USP34: variants seen among roughly 807,000 people sequenced by gnomAD.
USP34 encodes ubiquitin specific peptidase 34.
In USP34, 70 loss-of-function variants were observed where a neutral mutation model predicts 460.3. The observed-to-expected ratio is 0.15, with a 90% CI of 0.13 to 0.19. The LOEUF is 0.19. USP34 is among the 10% of genes least tolerant of loss of function. The probability of loss-of-function intolerance (pLI) is 1.00; values close to 1 mark genes in which losing one functional copy is unlikely to be tolerated. For missense variants in USP34, 3,985 were observed against 4,236.2 expected, an observed-to-expected ratio of 0.94 and a Z score of 1.65; for synonymous variants, 1,647 against 1,405.3, an observed-to-expected ratio of 1.17 and a Z score of -3.85.
chr2:61,274,902 A>T (rs1055605218), intron 41 of USP34, among the ~76,000 whole-genome samples: 5 of 152,260 alleles, frequency 3.3e-5, no homozygotes, highest in African/African-American at 7.2e-5. Flanking sequence ...AAATGTATAA[A>T]GATCTCTGTA....
chr2:61,366,035 T>C (rs1369255225), intron 10 of USP34, among the ~76,000 whole-genome samples: 1 of 152,036 alleles, frequency 6.6e-6, no homozygotes, highest in Non-Finnish European at 1.5e-5. Context: ...TACTACAACC[T>C]CTGCCTCAGC....
chr2:61,401,540 ATTTTTTTT>A (rs1156550372), intron 3 of USP34, among the ~76,000 whole-genome samples: 11 of 62,438 alleles, frequency 1.8e-4, no homozygotes, highest in Non-Finnish European at 2.3e-4. Context: ...ACCTGGCCCT[ATTTTTTTT>A]TTTTTTTTTT....
intron 1 of USP34, among the ~76,000 whole-genome samples, chr2:61,431,354 C>T (rs1239460702): frequency 6.6e-6 from 1 of 152,158 alleles, no homozygotes; most frequent in Non-Finnish European, 1.5e-5. Context: ...TCCCAAGTAG[C>T]TGAGACTACA....
rs150710878 is a variant in USP34 at position 61,198,197 on chromosome 2, G to A, written c.9508+4943C>T. ...CATTCTATAATTTCATCCTTATAGA[G>A]TAAAATTCCTCTACTTTTTTCTGTA... On this transcript the variant is annotated intron_variant, in intron 75 of 79. Transcript: ENST00000398571. Among the ~76,000 whole-genome samples the A allele has an allele frequency of 4.8e-3, 726 of 152,282 alleles. 5 individuals carry two copies. Among genetic ancestry groups the A allele is most frequent in the African/African-American group, 0.016 (684 of 41,556 alleles).
chr2:61,362,403 A>C (rs774871446), intron 10 of USP34, among the ~76,000 whole-genome samples: 2 of 152,184 alleles, frequency 1.3e-5, no homozygotes, highest in Non-Finnish European at 2.9e-5. Context: ...ATGGAAAAAA[A>C]ACTAAACATC....
chr2:61,210,518 G>A (rs944086706), intron 69 of USP34, among the ~76,000 whole-genome samples: 15 of 152,116 alleles, frequency 9.9e-5, no homozygotes, highest in African/African-American at 3.6e-4. Flanking sequence ...TTTGCACAAT[G>A]ATGAAATAGG....
chr2:61,309,004 C>T (rs1360298850), intron 27 of USP34, among the ~76,000 whole-genome samples: 5 of 152,132 alleles, frequency 3.3e-5, no homozygotes, highest in Admixed American at 3.3e-4. Context: ...CACTGCACTC[C>T]AGCCTGGGTG....
intron 75 of USP34, among the ~76,000 whole-genome samples, chr2:61,199,685 G>A (rs777588): frequency 0.61 from 92,055 of 151,982 alleles, 27,896 homozygotes; most frequent in Middle Eastern, 0.69. Context: ...CACCAATTTG[G>A]GATGTCATCT....
In USP34 at chr2:61,349,238, G is replaced by A. The variant is rs772015745; in HGVS notation, c.1543+12C>T. 1.2e-6 allele frequency: 2 copies of A among 1,609,650 alleles called. No individual in the cohort carries two copies. The highest frequency in any genetic ancestry group is 2.2e-5 in the South Asian group (2 of 89,698). ...AAGTCATGTTGCCATGAATTTCTAA[G>A]GCTCAACTTACAAGGTGATGGAGCT... On this transcript the variant is annotated intron_variant, in intron 13 of 79. Coordinates refer to ENST00000398571, the MANE Select transcript of USP34 (RefSeq NM_014709.4).
At chr2:61,439,958 A>G (rs1694919346) in intron 1 of USP34, among the ~76,000 whole-genome samples, 1 of 152,028 alleles carries the variant, frequency 6.6e-6, no homozygotes, top group Non-Finnish European at 1.5e-5. Flanking sequence ...ATGTGGGAGG[A>G]CAGGGGCATC....
In USP34 at chr2:61,241,754, A is replaced by G. The variant is rs762031685; in HGVS notation, c.6681+12T>C. ...AAAACAATATAAAATTATACATGAA[A>G]AAAATGGTTACCTTTTCAAAAGAGA... On this transcript the variant is annotated intron_variant, in intron 52 of 79. Transcript: ENST00000398571. 6.6e-7 allele frequency: 1 copy of G among 1,510,108 alleles called. No homozygotes were observed. Among genetic ancestry groups the G allele is most frequent in the South Asian group, 1.2e-5 (1 of 80,298 alleles). The allele number at this position is 1,510,108 out of a possible 1,614,324, so 93.5% of individuals were successfully genotyped here. A position where few individuals can be genotyped will look rare whatever the true frequency, so the allele number is the denominator to read the frequency against.
At chr2:61,439,374 C>T (rs955292935) in intron 1 of USP34, among the ~76,000 whole-genome samples, 1 of 152,162 alleles carries the variant, frequency 6.6e-6, no homozygotes, top group African/African-American at 2.4e-5. Flanking sequence ...GTCACCCCTC[C>T]AGCCTGGCCC....
intron 20 of USP34, among the ~76,000 whole-genome samples, chr2:61,326,047 A>T (rs147762915): frequency 2.6e-4 from 40 of 152,302 alleles, no homozygotes; most frequent in African/African-American, 8.9e-4. Flanking sequence ...GTAGGGTAGG[A>T]GATGAGTCTG....
Position 61,350,634 on chromosome 2 carries a change from A to C in USP34, c.1311T>G (p.Asp437Glu). The change falls in exon 11 of 80, where the codon GAT becomes GAG. Residue 437 changes from aspartate to glutamate, a missense_variant. By Grantham distance (45) the Asp-to-Glu change is conservative. Transcript: ENST00000398571. Reference sequence around the variant, plus strand: ...TAAGTAGATGTCTAAGTGGTACGGGATCCAAATTCTTGATGAGTGAAGGAA... The same window carrying C: ...TAAGTAGATGTCTAAGTGGTACGGGCTCCAAATTCTTGATGAGTGAAGGAA... The part of the protein sequence containing the change: ...DLFPSLIKNL[D>E]PVPLRHLLNL... 2 of 1,613,940 alleles carry C rather than the reference A, an allele frequency of 1.2e-6. No individual in the cohort carries two copies. Among genetic ancestry groups the C allele is most frequent in the Non-Finnish European group, 1.7e-6 (2 of 1,179,894 alleles).
At chr2:61,189,464 G>A (rs552687021) in intron 78 of USP34, 40 of 124,618 alleles carry the variant, frequency 3.2e-4, no homozygotes, top group Middle Eastern at 3.7e-3. Flanking sequence ...AGTAGAGACA[G>A]GGTTTCACCA....
chr2:61,196,111 C>T (rs1328826496), intron 75 of USP34, among the ~76,000 whole-genome samples: 36 of 105,022 alleles, frequency 3.4e-4, no homozygotes, highest in East Asian at 1.3e-3. Flanking sequence ...GACGGAGTCT[C>T]GCTTTGTCGC....
intron 29 of USP34, among the ~76,000 whole-genome samples, chr2:61,299,371 G>GT (rs1690148620): frequency 1.3e-5 from 2 of 152,122 alleles, no homozygotes; most frequent in African/African-American, 2.4e-5. Flanking sequence ...AAAGGTCTTA[G>GT]AATAAGCCCA....
intron 53 of USP34, among the ~76,000 whole-genome samples, chr2:61,237,492 C>A (rs200681131): frequency 6.8e-6 from 1 of 146,450 alleles, no homozygotes; most frequent in Non-Finnish European, 1.5e-5. Flanking sequence ...TTTACAAACA[C>A]TTGTCTGTTT....
At position 61,470,988 on chromosome 2, in the gene USP34, G is replaced by A. The variant is rs1695945313; in HGVS notation, c.-296C>T. Among the ~76,000 whole-genome samples the A allele has an allele frequency of 2.8e-5, 4 of 142,686 alleles. No homozygotes were observed. In the East Asian group the frequency reaches 8.9e-4, roughly 32 times the overall value. The allele number at this position is 142,686 out of a possible 152,430, so 93.6% of individuals were successfully genotyped here. On this transcript the variant is annotated 5_prime_UTR_variant, in exon 1 of 80. Transcript: ENST00000398571. The stretch of plus-strand genomic sequence containing the variant: ...AGGACGGGGGGAGGGGAGAGGGGGG[G>A]AGGGGGCGGGTGGGGAGAGAAGCAG...
Sources: allele counts gnomAD v4.1 joint callset (sites outside exome capture counted in the v4.1 genomes callset), GRCh38; gene constraint gnomAD v4.1.1; transcripts MANE v1.5; gene names NCBI Gene and HGNC (gene_info 2026-07-23, HGNC 2026-07-21).